Variants in ACER3 observed in about 807,000 individuals in gnomAD.
ACER3 encodes the protein alkCDase 3.
In ACER3, 16 loss-of-function variants were observed where a neutral mutation model predicts 48.9. The ratio of observed to expected loss-of-function variants is 0.33; its 90% CI spans 0.22 to 0.50. ACER3 has a LOEUF of 0.50. Among genes scored for constraint, ACER3 ranks in the 20% least tolerant of loss-of-function variants. ACER3 has a pLI of 0.98. For missense variants in ACER3, 227 were observed against 326.0 expected (o/e 0.70, Z 2.34); for synonymous variants, 109 against 107.8 (o/e 1.01, Z -0.07).
At chr11:76,901,587 G>A (rs776838797) in intron 1 of ACER3, among the ~76,000 whole-genome samples, 8 of 152,166 alleles carry the variant, frequency 5.3e-5, no homozygotes, top group Non-Finnish European at 1.0e-4. Context: ...CAGGGGCATC[G>A]GCAAGACTCC....
intron 7 of ACER3, among the ~76,000 whole-genome samples, chr11:77,013,732 T>C (rs1949312607): frequency 6.6e-6 from 1 of 152,206 alleles, no homozygotes; most frequent in African/African-American, 2.4e-5. Context: ...CCTAGCTATT[T>C]ACCCAAGAAA....
intron 2 of ACER3, among the ~76,000 whole-genome samples, chr11:76,945,036 G>T (rs1947438526): frequency 6.8e-6 from 1 of 147,886 alleles, no homozygotes. Context: ...TTTTTTCAAT[G>T]GATTTTTCAT....
At chr11:76,893,295 A>G (rs1282613112) in intron 1 of ACER3, among the ~76,000 whole-genome samples, 1 of 152,162 alleles carries the variant, frequency 6.6e-6, no homozygotes, top group Non-Finnish European at 1.5e-5. Context: ...ACTTGAGCCC[A>G]GGAGTTCAAG....
At chr11:77,017,276 C>T (rs1343600489) in intron 9 of ACER3, among the ~76,000 whole-genome samples, 2 of 151,982 alleles carry the variant, frequency 1.3e-5, no homozygotes, top group Admixed American at 1.3e-4. Flanking sequence ...GACTCAAATA[C>T]ATAAAATCAG....
At chr11:76,900,898 C>A (rs1484990314) in intron 1 of ACER3, among the ~76,000 whole-genome samples, 1 of 152,208 alleles carries the variant, frequency 6.6e-6, no homozygotes, top group East Asian at 1.9e-4. Flanking sequence ...TATCTACAAT[C>A]TGTTTCATGA....
chr11:76,990,322 A>G (rs947771464), intron 5 of ACER3, among the ~76,000 whole-genome samples: 3 of 152,076 alleles, frequency 2.0e-5, no homozygotes, highest in Non-Finnish European at 4.4e-5. Context: ...AAAACATTCG[A>G]CTCACCATAA....
chr11:77,008,159 A>G (rs1555021416), intron 7 of ACER3, among the ~76,000 whole-genome samples: 1 of 152,112 alleles, frequency 6.6e-6, no homozygotes, highest in Non-Finnish European at 1.5e-5. Context: ...TCTTCTCAAC[A>G]CCTTTCAGGG....
chr11:76,934,570 A>G (rs555761135), intron 2 of ACER3, among the ~76,000 whole-genome samples: 2 of 152,364 alleles, frequency 1.3e-5, no homozygotes, highest in African/African-American at 4.8e-5. Flanking sequence ...CTGCAATCGC[A>G]GGCACTCGGC....
chr11:77,022,893 GAAAA>G lies in ACER3; in HGVS notation c.*2567_*2570del, dbSNP rs1949495012. 2 of 317,988 alleles carry G rather than the reference GAAAA, an allele frequency of 6.3e-6. No individual in the cohort carries two copies. Among genetic ancestry groups the G allele is most frequent in the African/African-American group, 4.9e-5 (2 of 41,188 alleles). 19.7% of individuals were successfully genotyped at this position (317,988 alleles called of 1,614,324 possible). ...CAAAAAAAAAAAAAAAAAAAAAAAA[GAAAA>G]GAAAAGAAAATATAAGGATGTAAAA... On this transcript the variant is annotated 3_prime_UTR_variant, in exon 11 of 11. Transcript: ENST00000532485.
intron 2 of ACER3, 65 bp from the exon 3 acceptor site, chr11:76,958,914 T>G: frequency 1.3e-6 from 2 of 1,543,016 alleles, no homozygotes; most frequent in Non-Finnish European, 1.8e-6. Context: ...TCTTATTGTC[T>G]TCTCAGGTCA....
chr11:76,942,272 T>C (rs943976641), intron 2 of ACER3, among the ~76,000 whole-genome samples: 3 of 152,178 alleles, frequency 2.0e-5, no homozygotes, highest in Non-Finnish European at 4.4e-5. Context: ...CTTTCAACTT[T>C]TCCACATTAA....
intron 1 of ACER3, 115 bp downstream of exon 1, chr11:76,861,194 C>T (rs1048921556): frequency 1.5e-5 from 16 of 1,074,912 alleles, no homozygotes; most frequent in African/African-American, 8.2e-5. Context: ...GGCCTGGCCC[C>T]GGGAGCTGGA....
chr11:76,981,781 A>C (rs566282565), intron 4 of ACER3, among the ~76,000 whole-genome samples: 1 of 152,324 alleles, frequency 6.6e-6, no homozygotes, highest in African/African-American at 2.4e-5. Context: ...ACTGTTTACC[A>C]ATGTTGAACA....
intron 4 of ACER3, among the ~76,000 whole-genome samples, chr11:76,982,249 G>A (rs536787295): frequency 5.1e-5 from 7 of 136,406 alleles, no homozygotes; most frequent in African/African-American, 1.7e-4. Context: ...ACAGAGTCTC[G>A]CTCTGTCGCC....
At chr11:76,959,617 A>G (rs1947933159) in intron 3 of ACER3, among the ~76,000 whole-genome samples, 1 of 151,796 alleles carries the variant, frequency 6.6e-6, no homozygotes, top group Admixed American at 6.6e-5. Flanking sequence ...CAGTGGTGCA[A>G]TCTTGGCTCA....
intron 2 of ACER3, among the ~76,000 whole-genome samples, chr11:76,955,988 C>G (rs1947829782): frequency 6.6e-6 from 1 of 152,112 alleles, no homozygotes; most frequent in Non-Finnish European, 1.5e-5. Context: ...TGTAATGTCC[C>G]CAGCAGGCAA....
intron 1 of ACER3, among the ~76,000 whole-genome samples, chr11:76,875,135 G>A (rs143946899): frequency 4.2e-5 from 1 of 23,898 alleles, no homozygotes; most frequent in African/African-American, 7.9e-5. Flanking sequence ...TTTTTTTTTA[G>A]ATGGAATCTC....
At chr11:77,019,911 C>A in intron 10 of ACER3, 135 bp downstream of exon 10, 1 of 856,114 alleles carries the variant, frequency 1.2e-6, no homozygotes, top group Non-Finnish European at 1.9e-6. Context: ...GGCTGTGAAT[C>A]TTTCATTTAC....
At chr11:76,944,381 C>A (rs756600472) in intron 2 of ACER3, among the ~76,000 whole-genome samples, 1 of 152,016 alleles carries the variant, frequency 6.6e-6, no homozygotes, top group African/African-American at 2.4e-5. Context: ...TTGAGTATTT[C>A]CTGAAGGACC....
Sources: allele counts gnomAD v4.1 joint callset (sites outside exome capture counted in the v4.1 genomes callset), GRCh38; gene constraint gnomAD v4.1.1; transcripts MANE v1.5; gene names NCBI Gene and HGNC (gene_info 2026-07-23, HGNC 2026-07-21).